Variants in STEAP2 observed in about 807,000 individuals in gnomAD.
STEAP2 encodes metalloreductase STEAP2.
STEAP2 carries 30 observed loss-of-function variants against 46.4 expected under a neutral mutation model. The observed-to-expected ratio is 0.65, with a 90% CI of 0.48 to 0.88. STEAP2 has a LOEUF of 0.88. Among genes scored for constraint, STEAP2 ranks in the 40% least tolerant of loss-of-function variants. The probability of loss-of-function intolerance (pLI) is 0.00; values close to 1 mark genes in which losing one functional copy is unlikely to be tolerated. For synonymous variants in STEAP2, 180 were observed against 200.5 expected, an observed-to-expected ratio of 0.90 and a Z score of 0.86; for missense variants, 513 against 579.3, an observed-to-expected ratio of 0.89 and a Z score of 1.18.
intron 2 of STEAP2, among the ~76,000 whole-genome samples, chr7:90,217,025 A>C (rs142819190): frequency 1.3e-5 from 2 of 152,320 alleles, no homozygotes; most frequent in African/African-American, 4.8e-5. Flanking sequence ...GCGTAGTGCC[A>C]AGCCAGGTCA....
intron 4 of STEAP2, among the ~76,000 whole-genome samples, chr7:90,229,661 T>A (rs1795651498): frequency 6.6e-6 from 1 of 152,140 alleles, no homozygotes; most frequent in Admixed American, 6.6e-5. Context: ...AAGAGAAAGT[T>A]TTGTCCTCCT....
intron 4 of STEAP2, 51 bp downstream of exon 4, chr7:90,227,549 A>C: frequency 1.4e-6 from 2 of 1,434,048 alleles, no homozygotes; most frequent in Non-Finnish European, 1.8e-6. Context: ...ACTTTTTATT[A>C]GTATAAATTG....
At chr7:90,212,975 T>C (rs1016462138) in intron 1 of STEAP2, among the ~76,000 whole-genome samples, 5 of 152,156 alleles carry the variant, frequency 3.3e-5, no homozygotes, top group Non-Finnish European at 7.3e-5. Context: ...TATTTTTTCT[T>C]TCTTTAACCC....
chr7:90,243,054 A>G (rs1003605726), downstream of STEAP2, among the ~76,000 whole-genome samples: 1 of 152,230 alleles, frequency 6.6e-6, no homozygotes, highest in Non-Finnish European at 1.5e-5. Context: ...AAGAATGACT[A>G]GAAGTGTGGA....
downstream of STEAP2, chr7:90,237,992 T>A: frequency 1.4e-6 from 1 of 707,454 alleles, no homozygotes; most frequent in Non-Finnish European, 2.6e-6. Context: ...GATATTATAA[T>A]AAATAATTAC....
At chr7:90,232,274 T>C in intron 5 of STEAP2, 63 bp from the exon 6 acceptor site, 2 of 1,454,426 alleles carry the variant, frequency 1.4e-6, no homozygotes, top group Non-Finnish European at 1.8e-6. Flanking sequence ...GATAGTTTAA[T>C]TTATGAGTTT....
chr7:90,221,184 T>C (rs527587349), intron 2 of STEAP2, among the ~76,000 whole-genome samples: 1 of 152,312 alleles, frequency 6.6e-6, no homozygotes, highest in Non-Finnish European at 1.5e-5. Flanking sequence ...TAATTTTCTG[T>C]CTAGATTATC....
At position 90,234,700 on chromosome 7, in the gene STEAP2, G is replaced by A. The variant is rs754459253; in HGVS notation, c.*2076G>A. 34 of 446,428 alleles carry A rather than the reference G, an allele frequency of 7.6e-5. No homozygotes were observed. Among genetic ancestry groups the A allele is most frequent in the Middle Eastern group, 2.2e-3 (2 of 906 alleles). The allele number at this position is 446,428 out of a possible 1,614,324, so 27.7% of individuals were successfully genotyped here. ...CGAGTAGCTGGGACTACAGGTGCCC[G>A]CCACCATGCCCGGCTGATTTCTTTT... On this transcript the variant is annotated 3_prime_UTR_variant, in exon 6 of 6. Transcript: ENST00000394621.
At chr7:90,227,567 TA>T in intron 4 of STEAP2, 69 bp downstream of exon 4, 1 of 1,373,396 alleles carries the variant, frequency 7.3e-7, no homozygotes, top group Non-Finnish European at 9.5e-7. Flanking sequence ...TTGTAAAACA[TA>T]AAATTTTACA....
intron 4 of STEAP2, among the ~76,000 whole-genome samples, chr7:90,229,122 T>A (rs1312983374): frequency 1.3e-5 from 2 of 152,072 alleles, no homozygotes; most frequent in Non-Finnish European, 2.9e-5. Context: ...ATATTCTGAA[T>A]GTAAATAGAA....
In STEAP2 at chr7:90,222,464, C is replaced by T. The variant is rs567800201; in HGVS notation, c.-33-2586C>T. 1.9e-3 allele frequency among the ~76,000 whole-genome samples: 294 copies of T among 152,242 alleles called. 4 individuals carry two copies. The highest frequency in any genetic ancestry group is 5.8e-4 in the East Asian group (3 of 5,182). On this transcript the variant is annotated intron_variant, in intron 2 of 5. Coordinates refer to ENST00000394621, the MANE Select transcript of STEAP2 (RefSeq NM_001244944.2). ...TATAACCCCCCAAAAACACCCTTTCCTAAACTCCTTACATGCACCTAAATA... is the reference window on the plus strand; with the variant it reads ...TATAACCCCCCAAAAACACCCTTTCTTAAACTCCTTACATGCACCTAAATA...
At position 90,226,869 on chromosome 7, in the gene STEAP2, C is replaced by T. The variant is rs189232577; in HGVS notation, c.493-102C>T. 5.4e-4 allele frequency: 627 copies of T among 1,159,128 alleles called. 6 individuals are homozygous for T. The Admixed American group carries it at 0.013, about 23-fold the overall frequency. The allele number at this position is 1,159,128 out of a possible 1,614,324, so 71.8% of individuals were successfully genotyped here. On this transcript the variant is annotated intron_variant, in intron 3 of 5. Transcript: ENST00000394621. ...GCTGAAAATTCAACAAGTATTTATT[C>T]CTCAAGGTCATCACAGGTGATGGTC...
downstream of STEAP2, among the ~76,000 whole-genome samples, chr7:90,239,482 T>C (rs755193502): frequency 2.0e-5 from 3 of 152,208 alleles, no homozygotes; most frequent in Non-Finnish European, 4.4e-5. Context: ...AATTTAGATA[T>C]AGAACTCAAA....
chr7:90,231,788 G>C (rs1795762449), intron 5 of STEAP2, among the ~76,000 whole-genome samples: 1 of 151,930 alleles, frequency 6.6e-6, no homozygotes, highest in African/African-American at 2.4e-5. Flanking sequence ...GTGGGAATGT[G>C]AATAATTTTT....
chr7:90,226,926 T>A, intron 3 of STEAP2, 45 bp from the exon 4 acceptor site: 1 of 1,522,494 alleles, frequency 6.6e-7, no homozygotes, highest in South Asian at 1.3e-5. Context: ...CTACCATTTT[T>A]ATAAACAACA....
In STEAP2 at chr7:90,229,983, T is replaced by G. The variant is rs1795671269; in HGVS notation, c.1132T>G (p.Ser378Ala). 2 of 1,613,488 alleles carry G rather than the reference T, an allele frequency of 1.2e-6. No homozygotes were observed. Among genetic ancestry groups the G allele is most frequent in the African/African-American group, 2.7e-5 (2 of 74,906 alleles). ...LGLLSLLAVT[S>A]IPSVSNALNW... ...CTTACTTTCCCTCCTGGCAGTCACT[T>G]CTATCCCTTCAGTGAGCAATGCTTT... The change falls in exon 5 of 6, where the codon TCT becomes GCT. Residue 378 changes from serine to alanine, a missense_variant. Ser to Ala is a moderately conservative substitution (Grantham distance 99, BLOSUM62 1). Coordinates refer to ENST00000394621, the MANE Select transcript of STEAP2 (RefSeq NM_001244944.2).
rs1795791547 is a variant in STEAP2 at position 90,232,392 on chromosome 7, G to A, written c.1241G>A (p.Gly414Glu). 1 of 1,612,994 alleles carries A rather than the reference G, an allele frequency of 6.2e-7. No individual in the cohort carries two copies. The highest frequency in any genetic ancestry group is 1.3e-5 in the African/African-American group (1 of 74,866). ...AGTACTTTCCATGTTTTAATTTATG[G>A]ATGGAAACGAGCTTTTGAGGAAGAG... ...LISTFHVLIY[G>E]WKRAFEEEYY... Residue 414 changes from glycine (G) to glutamate (E), a missense_variant, in exon 6 of 6, where the codon GGA becomes GAA. By Grantham distance (98) the Gly-to-Glu change is moderately conservative (BLOSUM62 -2). Coordinates refer to ENST00000394621, the MANE Select transcript of STEAP2 (RefSeq NM_001244944.2).
At chr7:90,238,675 A>T (rs191644625), downstream of STEAP2, among the ~76,000 whole-genome samples, 2 of 152,198 alleles carry the variant, frequency 1.3e-5, no homozygotes, top group African/African-American at 4.8e-5. Context: ...TTTCTCAGAG[A>T]TAGTACTCCC....
rs1400767772 is a variant in STEAP2, at chr7:90,236,774, CTGTT to C, written c.*4153_*4156del. 4.1e-6 allele frequency: 6 copies of C among 1,466,700 alleles called. No individual in the cohort carries two copies. The highest frequency in any genetic ancestry group is 5.2e-5 in the Admixed American group (2 of 38,472). 90.9% of individuals were successfully genotyped at this position (1,466,700 alleles called of 1,614,324 possible). A position where few individuals can be genotyped will look rare whatever the true frequency, so the allele number is the denominator to read the frequency against. On this transcript the variant is annotated 3_prime_UTR_variant, in exon 6 of 6. Transcript: ENST00000394621. ...TGCATTCATCCAAAATTAAGGCAGACTGTTTGGATTCTTCCAGTGGCCAGATGAG... is the reference window on the plus strand; with the variant it reads ...TGCATTCATCCAAAATTAAGGCAGACTGGATTCTTCCAGTGGCCAGATGAG...
Sources: allele counts gnomAD v4.1 joint callset (sites outside exome capture counted in the v4.1 genomes callset), GRCh38; gene constraint gnomAD v4.1.1; transcripts MANE v1.5; gene names NCBI Gene and HGNC (gene_info 2026-07-23, HGNC 2026-07-21).